HPS5: variants seen among roughly 807,000 people sequenced by gnomAD.
HPS5 encodes BLOC-2 complex member HPS5.
A neutral mutation model predicts 128.0 loss-of-function variants in HPS5; 83 were observed. The ratio of observed to expected loss-of-function variants is 0.65; its 90% CI spans 0.54 to 0.78. The LOEUF is 0.78. Among genes scored for constraint, HPS5 ranks in the 30% least tolerant of loss-of-function variants. HPS5 has a pLI of 0.00. For missense variants in HPS5, 1,281 were observed against 1,326.2 expected (o/e 0.97, Z 0.53); for synonymous variants, 475 against 470.2 (o/e 1.01, Z -0.13).
intron 6 of HPS5, among the ~76,000 whole-genome samples, chr11:18,307,412 A>G (rs910708977): frequency 1.3e-5 from 2 of 152,226 alleles, no homozygotes; most frequent in African/African-American, 2.4e-5. Context: ...AGAGCTGTAC[A>G]GGAAGTAGTG....
chr11:18,304,457 C>G (rs1862114834), intron 8 of HPS5, among the ~76,000 whole-genome samples: 1 of 152,156 alleles, frequency 6.6e-6, no homozygotes, highest in South Asian at 2.1e-4. Flanking sequence ...CTCAGAAGAT[C>G]TGTCCGCCTC....
At chr11:18,311,153 T>C (rs1380478015) in intron 4 of HPS5, among the ~76,000 whole-genome samples, 1 of 152,214 alleles carries the variant, frequency 6.6e-6, no homozygotes, top group Non-Finnish European at 1.5e-5. Flanking sequence ...CCCTTTATCT[T>C]TTAAGGCCTT....
chr11:18,294,317 T>C (rs1424532310), intron 14 of HPS5, among the ~76,000 whole-genome samples: 1 of 152,176 alleles, frequency 6.6e-6, no homozygotes, highest in Non-Finnish European at 1.5e-5. Context: ...TCATGTTACA[T>C]GAGACAATTA....
At chr11:18,291,407 A>T in intron 16 of HPS5, 35 bp downstream of exon 16, 1 of 1,386,658 alleles carries the variant, frequency 7.2e-7, no homozygotes, top group Non-Finnish European at 1.0e-6. Flanking sequence ...TTTTAATACG[A>T]ATTTCTATCT....
In HPS5 at chr11:18,282,431, C is replaced by CT. The variant is rs200407814; in HGVS notation, c.3059-212dup. Among the ~76,000 whole-genome samples the CT allele has an allele frequency of 0.12, 17,737 of 145,468 alleles. 1,058 individuals are homozygous for CT. The highest frequency in any genetic ancestry group is 0.16 in the African/African-American group (6,409 of 39,802). On this transcript the variant is annotated intron_variant, in intron 21 of 22. Transcript: ENST00000349215. ...CCACAAAATTAACTTTAATTTTTTT[C>CT]TTTTTTTTTTTTAAAGAGAGACAGG...
Position 18,291,530 on chromosome 11 carries a change from G to A in HPS5, c.2352C>T (p.Leu784=), listed in dbSNP as rs747093208. 6.2e-7 allele frequency: 1 copy of A among 1,610,912 alleles called. No homozygotes were observed. Among genetic ancestry groups the A allele is most frequent in the African/African-American group, 1.3e-5 (1 of 74,844 alleles). Residue 784 remains leucine, a synonymous_variant, in exon 16 of 23, where the codon CTC becomes CTT. Transcript: ENST00000349215. ...ACQFLKKYFF[L]LNLKRAKESI... is the part of the protein sequence containing the mutation. ...TCTCCTTCGCTCTTTTCAAGTTCAG[G>A]AGAAAAAAGTACTTCTTCAGGAACT...
chr11:18,312,117 G>T, intron 2 of HPS5, 93 bp from the exon 3 acceptor site: 1 of 953,518 alleles, frequency 1.0e-6, no homozygotes, highest in Non-Finnish European at 1.7e-6. Context: ...TTATGCATCA[G>T]GCTCCTTCCC....
At chr11:18,315,651 A>G (rs927518661) in intron 2 of HPS5, among the ~76,000 whole-genome samples, 1 of 152,062 alleles carries the variant, frequency 6.6e-6, no homozygotes, top group Non-Finnish European at 1.5e-5. Context: ...AAAGAAAAAG[A>G]AAGCTTCCTT....
intron 2 of HPS5, among the ~76,000 whole-genome samples, chr11:18,315,731 G>A (rs1341143945): frequency 6.6e-6 from 1 of 151,960 alleles, no homozygotes; most frequent in African/African-American, 2.4e-5. Context: ...AAAATCAACA[G>A]ACCGGGAGTC....
At chr11:18,299,715 T>G (rs1861478510) in intron 9 of HPS5, among the ~76,000 whole-genome samples, 1 of 152,090 alleles carries the variant, frequency 6.6e-6, no homozygotes, top group South Asian at 2.1e-4. Flanking sequence ...AGATACAAAA[T>G]GGGAGTCAAA....
rs192282874 is a variant in HPS5, at chr11:18,293,831, G to A, written c.1785-855C>T. Among the ~76,000 whole-genome samples, 24 of 152,306 alleles carry A rather than the reference G, an allele frequency of 1.6e-4. No individual in the cohort carries two copies. In the East Asian group the frequency reaches 3.5e-3, roughly 22 times the overall value. On this transcript the variant is annotated intron_variant, in intron 14 of 22. Transcript: ENST00000349215. ...TGTCAGTGTACACACTTAGTTCTCC[G>A]ATAGGAGTGAAATTTATAGCACTTA...
chr11:18,307,714 T>C (rs1185982670), intron 6 of HPS5, among the ~76,000 whole-genome samples: 2 of 151,222 alleles, frequency 1.3e-5, no homozygotes. Context: ...GGCTAGTCAC[T>C]AGGAGTCTCA....
chr11:18,301,473 A>G (rs1590103108), intron 8 of HPS5, among the ~76,000 whole-genome samples: 1 of 151,270 alleles, frequency 6.6e-6, no homozygotes, highest in African/African-American at 2.4e-5. Context: ...AAAAAAAAAA[A>G]AAAAGAAAGA....
intron 2 of HPS5, 49 bp from the exon 3 acceptor site, chr11:18,312,073 A>T (rs1564978548): frequency 7.4e-7 from 1 of 1,354,952 alleles, no homozygotes; most frequent in Non-Finnish European, 1.1e-6. Context: ...TACTTAACCA[A>T]ATAGACTATC....
At chr11:18,291,128 C>T (rs982735719) in intron 16 of HPS5, among the ~76,000 whole-genome samples, 1 of 152,070 alleles carries the variant, frequency 6.6e-6, no homozygotes, top group Non-Finnish European at 1.5e-5. Context: ...TGAGGCAAGA[C>T]AATCACTTGA....
chr11:18,293,235 C>G (rs1428594713), intron 14 of HPS5, among the ~76,000 whole-genome samples: 1 of 152,046 alleles, frequency 6.6e-6, no homozygotes, highest in African/African-American at 2.4e-5. Flanking sequence ...GTGGCATGAT[C>G]TCCGCTCACT....
At chr11:18,305,640 A>T in intron 7 of HPS5, 147 bp from the exon 8 acceptor site, 2 of 572,982 alleles carry the variant, frequency 3.5e-6, no homozygotes, top group South Asian at 4.6e-5. Flanking sequence ...CACTAATCAT[A>T]GGAGAGGTAA....
chr11:18,301,437 C>T (rs1327951110), intron 8 of HPS5, among the ~76,000 whole-genome samples: 1 of 133,002 alleles, frequency 7.5e-6, no homozygotes, highest in Admixed American at 8.4e-5. Flanking sequence ...TGGGTGACAG[C>T]CTGGGTGACT....
At position 18,316,511 on chromosome 11, in the gene HPS5, GAAGC is replaced by G. The variant is rs749956929; in HGVS notation, c.108+1236_108+1239del. 3.9e-5 allele frequency among the ~76,000 whole-genome samples: 6 copies of G among 152,284 alleles called. No homozygotes were observed. The East Asian group carries it at 9.6e-4, about 24-fold the overall frequency. ...AGCAAGAACACTAACGGGGAAAAAT[GAAGC>G]AAGTCAGTATCATGGTTTCCAGGGA... On this transcript the variant is annotated intron_variant, in intron 2 of 22. Coordinates refer to ENST00000349215, the MANE Select transcript of HPS5 (RefSeq NM_181507.2).
Sources: allele counts gnomAD v4.1 joint callset (sites outside exome capture counted in the v4.1 genomes callset), GRCh38; gene constraint gnomAD v4.1.1; transcripts MANE v1.5; gene names NCBI Gene and HGNC (gene_info 2026-07-23, HGNC 2026-07-21).